Variants in ZSWIM2 observed in about 807,000 individuals in gnomAD.
ZSWIM2 encodes the protein zinc finger SWIM-type containing 2.
ZSWIM2 carries 38 observed loss-of-function variants against 48.4 expected under a neutral mutation model. The observed-to-expected ratio is 0.79, with a 90% CI of 0.61 to 1.03. ZSWIM2 has a LOEUF of 1.03. Among genes scored for constraint, ZSWIM2 ranks in the 50% least tolerant of loss-of-function variants. The pLI is 0.00. For synonymous variants in ZSWIM2, 240 were observed against 251.3 expected (o/e 0.96, Z 0.42); for missense variants, 776 against 730.2 (o/e 1.06, Z -0.72).
Position 186,827,855 on chromosome 2 carries a change from T to A in ZSWIM2, c.*129A>T. Reference sequence around the variant, plus strand: ...TTTCCTTTAAGTGTAGTGAGCTGTTTATAGGTAAGTAGGCAAATTCCAACA... The same window carrying A: ...TTTCCTTTAAGTGTAGTGAGCTGTTAATAGGTAAGTAGGCAAATTCCAACA... On this transcript the variant is annotated 3_prime_UTR_variant, in exon 9 of 9. Transcript: ENST00000295131. 2.8e-6 allele frequency: 2 copies of A among 715,176 alleles called. No individual in the cohort carries two copies. The highest frequency in any genetic ancestry group is 4.4e-6 in the Non-Finnish European group (2 of 457,344). 44.3% of individuals were successfully genotyped at this position (715,176 alleles called of 1,614,324 possible). A position where few individuals can be genotyped will look rare whatever the true frequency, so the allele number is the denominator to read the frequency against.
chr2:186,844,037 A>C (rs1574142549), intron 3 of ZSWIM2, among the ~76,000 whole-genome samples: 1 of 151,688 alleles, frequency 6.6e-6, no homozygotes, highest in African/African-American at 2.4e-5. Flanking sequence ...ACATTTATTA[A>C]TACTTTTAAA....
At position 186,829,020 on chromosome 2, in the gene ZSWIM2, G is replaced by C. The variant is rs544571417; in HGVS notation, c.1096-230C>G. On this transcript the variant is annotated intron_variant, in intron 8 of 8. Transcript: ENST00000295131. Reference sequence around the variant, plus strand: ...TAAAATGCAAAGACTTTTATGGATAGCATTTGTAATTTTGTTAAAAATTCT... The same window carrying C: ...TAAAATGCAAAGACTTTTATGGATACCATTTGTAATTTTGTTAAAAATTCT... 2.6e-5 allele frequency among the ~76,000 whole-genome samples: 4 copies of C among 152,114 alleles called. No homozygotes were observed. In the South Asian group the frequency reaches 8.3e-4, roughly 32 times the overall value.
At chr2:186,830,997 A>G (rs547302756) in intron 7 of ZSWIM2, among the ~76,000 whole-genome samples, 6 of 152,276 alleles carry the variant, frequency 3.9e-5, no homozygotes, top group Admixed American at 1.3e-4. Flanking sequence ...TCTAATTTCA[A>G]TTAAAATGTA....
At chr2:186,838,938 T>A in intron 4 of ZSWIM2, 21 bp downstream of exon 4, 1 of 1,594,318 alleles carries the variant, frequency 6.3e-7, no homozygotes, top group East Asian at 2.2e-5. Flanking sequence ...GTTTTAAGAA[T>A]CTAAAGAAAA....
rs539678724 is a variant in ZSWIM2 at position 186,828,134 on chromosome 2, G to C, written c.1752C>G (p.Ser584Arg). ...TTTTAGACAAACTAAGTTTAGCTGT[G>C]CTCCAATTGACAATAAGATTGAAAT... ...PEDFNLIVNW[S>R]TAKLSLSKRY... Residue 584 changes from serine to arginine, a missense_variant, in exon 9 of 9, where the codon AGC (serine) becomes AGG (arginine). By Grantham distance (110) the Ser-to-Arg change is moderately radical. Coordinates refer to ENST00000295131, the MANE Select transcript of ZSWIM2 (RefSeq NM_182521.3). 76 of 1,613,460 alleles carry C rather than the reference G, an allele frequency of 4.7e-5. No homozygotes were observed. In the South Asian group the frequency reaches 7.5e-4, roughly 16 times the overall value.
intron 2 of ZSWIM2, among the ~76,000 whole-genome samples, chr2:186,845,218 T>A (rs1691975878): frequency 6.6e-6 from 1 of 151,386 alleles, no homozygotes; most frequent in Non-Finnish European, 1.5e-5. Context: ...TGCGACTTTT[T>A]AAAAAATGTG....
At chr2:186,839,806 A>T (rs995485269) in intron 3 of ZSWIM2, among the ~76,000 whole-genome samples, 1 of 151,430 alleles carries the variant, frequency 6.6e-6, no homozygotes, top group Non-Finnish European at 1.5e-5. Context: ...TCTATCCTGC[A>T]ATCCTTAAAG....
At chr2:186,848,192 A>G (rs1386272563) in intron 1 of ZSWIM2, among the ~76,000 whole-genome samples, 1 of 152,216 alleles carries the variant, frequency 6.6e-6, no homozygotes, top group Non-Finnish European at 1.5e-5. Context: ...GAATTTATTT[A>G]ATTTTATTCA....
intron 3 of ZSWIM2, among the ~76,000 whole-genome samples, chr2:186,840,930 T>C (rs1691891809): frequency 6.6e-6 from 1 of 151,466 alleles, no homozygotes; most frequent in Non-Finnish European, 1.5e-5. Flanking sequence ...TTTATCCTAA[T>C]AAATAGCCAA....
At position 186,833,954 on chromosome 2, in the gene ZSWIM2, A is replaced by G; in HGVS notation, c.820T>C (p.Phe274Leu). ...SCCHLSHTFT[F>L]REKRNQKWRS... is the part of the protein sequence containing the mutation. ...CAAGATGGATACTGTACCTCACGAA[A>G]TGTAAACGTGTGGGAAAGATGGCAG... is the stretch of plus-strand genomic sequence containing the variant. The change falls in exon 6 of 9, where the codon TTT (phenylalanine) becomes CTT (leucine). Residue 274 changes from phenylalanine (F) to leucine (L), a missense_variant. Physicochemically the swap from Phe to Leu is conservative, Grantham distance 22. Coordinates refer to ENST00000295131, the MANE Select transcript of ZSWIM2 (RefSeq NM_182521.3). The G allele has an allele frequency of 1.2e-6, 2 of 1,612,646 alleles. No homozygotes were observed. Among genetic ancestry groups the G allele is most frequent in the Non-Finnish European group, 1.7e-6 (2 of 1,179,012 alleles).
At position 186,827,986 on chromosome 2, in the gene ZSWIM2, A is replaced by C. The variant is rs774354793; in HGVS notation, c.1900T>G (p.Ter634GlyextTer9). The C allele has an allele frequency of 4.5e-6, 7 of 1,548,574 alleles. No homozygotes were observed. The South Asian group carries it at 8.7e-5, about 19-fold the overall frequency. Residue 634 changes from the stop codon to glycine (G), a stop_lost, in exon 9 of 9, where the codon TGA becomes GGA. Transcript: ENST00000295131. ...ATATTTTCAGATAGTAAACTTTTTC[A>C]CAATTGAACTCCTTCTATTATTAAA... ...LSLIIEGVQL[*>G]
At chr2:186,835,446 TA>T (rs780066903) in intron 5 of ZSWIM2, among the ~76,000 whole-genome samples, 13 of 152,186 alleles carry the variant, frequency 8.5e-5, no homozygotes, top group Non-Finnish European at 1.9e-4. Flanking sequence ...TCAGACATCT[TA>T]AAAGAAGCAA....
Position 186,827,589 on chromosome 2 carries a change from A to G in ZSWIM2, c.*395T>C, listed in dbSNP as rs1211255828. The stretch of plus-strand genomic sequence containing the variant: ...TAGGTTTGTGGTAATTACTAGTGCA[A>G]GAAAAATGCAAAAAATACAGAAGTA... On this transcript the variant is annotated 3_prime_UTR_variant, in exon 9 of 9. Coordinates refer to ENST00000295131, the MANE Select transcript of ZSWIM2 (RefSeq NM_182521.3). Among the ~76,000 whole-genome samples, 1 of 151,960 alleles carries G rather than the reference A, an allele frequency of 6.6e-6. No individual in the cohort carries two copies. The highest frequency in any genetic ancestry group is 1.5e-5 in the Non-Finnish European group (1 of 67,966).
At chr2:186,840,774 A>G (rs566637146) in intron 3 of ZSWIM2, among the ~76,000 whole-genome samples, 19 of 151,702 alleles carry the variant, frequency 1.3e-4, no homozygotes, top group African/African-American at 4.6e-4. Context: ...AACAATAAAC[A>G]TGAAAAGAAC....
Position 186,828,088 on chromosome 2 carries a change from C to T in ZSWIM2, c.1798G>A (p.Glu600Lys), listed in dbSNP as rs753450697. The T allele has an allele frequency of 1.9e-6, 3 of 1,613,282 alleles. No individual in the cohort carries two copies. Among genetic ancestry groups the T allele is most frequent in the Non-Finnish European group, 2.5e-6 (3 of 1,179,638 alleles). The change falls in exon 9 of 9, where the codon GAA becomes AAA. Residue 600 changes from glutamate (E) to lysine (K), a missense_variant. Glu to Lys is a moderately conservative substitution (Grantham distance 56, BLOSUM62 1). Coordinates refer to ENST00000295131, the MANE Select transcript of ZSWIM2 (RefSeq NM_182521.3). ...LSKRYSNCMG[E>K]ITRKCSHLSR... Reference sequence around the variant, plus strand: ...AGATGACTACATTTTCGTGTAATTTCCCCCATACAGTTACTATACCTTTTA... The same window carrying T: ...AGATGACTACATTTTCGTGTAATTTTCCCCATACAGTTACTATACCTTTTA...
At chr2:186,836,076 G>C (rs536890547) in intron 5 of ZSWIM2, among the ~76,000 whole-genome samples, 44 of 152,230 alleles carry the variant, frequency 2.9e-4, no homozygotes, top group African/African-American at 1.0e-3. Context: ...AAAGCTGCCT[G>C]TAAACCATTT....
At chr2:186,840,257 T>C (rs562745804) in intron 3 of ZSWIM2, among the ~76,000 whole-genome samples, 1 of 151,736 alleles carries the variant, frequency 6.6e-6, no homozygotes, top group Admixed American at 6.6e-5. Context: ...AACAAAATAT[T>C]GTGCTTTGGG....
In ZSWIM2 at chr2:186,837,285, T is replaced by C. The variant is rs777199875; in HGVS notation, c.743+21A>G. 11 of 1,608,398 alleles carry C rather than the reference T, an allele frequency of 6.8e-6. No individual in the cohort carries two copies. In the South Asian group the frequency reaches 1.2e-4, roughly 18 times the overall value. The stretch of plus-strand genomic sequence containing the variant: ...AAAAATAAAAAAGAACACATGCTTA[T>C]AATTTACGGATAACACTTACTTATA... On this transcript the variant is annotated intron_variant, in intron 5 of 8. Coordinates refer to ENST00000295131, the MANE Select transcript of ZSWIM2 (RefSeq NM_182521.3).
Position 186,827,888 on chromosome 2 carries a change from T to A in ZSWIM2, c.*96A>T. 9.2e-7 allele frequency: 1 copy of A among 1,081,490 alleles called. No homozygotes were observed. The highest frequency in any genetic ancestry group is 1.3e-6 in the Non-Finnish European group (1 of 786,036). 67.0% of individuals were successfully genotyped at this position (1,081,490 alleles called of 1,614,324 possible). On this transcript the variant is annotated 3_prime_UTR_variant, in exon 9 of 9. Transcript: ENST00000295131. ...AGTAGGCAAATTCCAACAGAGAATT[T>A]TATATACATTTGTCAAGACTATGTG...
Sources: gnomAD v4.1 joint callset for allele counts (sites outside exome capture counted in the v4.1 genomes callset) on GRCh38, gnomAD v4.1.1 for gene constraint, MANE v1.5 for transcripts, NCBI Gene and HGNC (gene_info 2026-07-23, HGNC 2026-07-21) for gene names.